The following CLEC9A variants were observed in gnomAD, a reference collection of about 807,000 sequenced individuals.
CLEC9A encodes the protein C-type lectin domain family 9 member A.
In CLEC9A, 24 loss-of-function variants were observed where a neutral mutation model predicts 30.0. The ratio of observed to expected loss-of-function variants is 0.80; its 90% CI spans 0.58 to 1.13. The LOEUF (loss-of-function observed/expected upper bound fraction) is 1.13, where lower values mean the gene tolerates loss of function less well. CLEC9A is among the 50% of genes most tolerant of loss of function. The pLI is 0.00. For synonymous variants in CLEC9A, 111 were observed against 96.8 expected (o/e 1.15, Z -0.86); for missense variants, 251 against 280.9 (o/e 0.89, Z 0.76).
chr12:10,047,071 T>C (rs1217591998), intron 2 of CLEC9A, among the ~76,000 whole-genome samples: 1 of 152,212 alleles, frequency 6.6e-6, no homozygotes, highest in Non-Finnish European at 1.5e-5. Flanking sequence ...TTTATCTTTT[T>C]TCTAGACTAT....
intron 1 of CLEC9A, among the ~76,000 whole-genome samples, chr12:10,039,358 C>T (rs1865771615): frequency 6.6e-6 from 1 of 152,196 alleles, no homozygotes; most frequent in African/African-American, 2.4e-5. Flanking sequence ...TGCCAAGATA[C>T]TCTCAATAAA....
At chr12:10,036,538 A>T (rs569057334) in intron 1 of CLEC9A, among the ~76,000 whole-genome samples, 1 of 152,340 alleles carries the variant, frequency 6.6e-6, no homozygotes, top group African/African-American at 2.4e-5. Context: ...GTCTGCAGTC[A>T]TAACACCCAC....
At position 10,065,734 on chromosome 12, in the gene CLEC9A, A is replaced by C; in HGVS notation, c.*102A>C. On this transcript the variant is annotated 3_prime_UTR_variant, in exon 9 of 9. Coordinates refer to ENST00000355819, the MANE Select transcript of CLEC9A (RefSeq NM_207345.4). ...CAAAAAAACAGAACAGTAAACCAAA[A>C]TGTGGGCCATGAAATTAGCAACCTG... 8 of 1,328,572 alleles carry C rather than the reference A, an allele frequency of 6.0e-6. No individual in the cohort carries two copies. Among genetic ancestry groups the C allele is most frequent in the Non-Finnish European group, 8.3e-6 (8 of 960,022 alleles). 82.3% of individuals were successfully genotyped at this position (1,328,572 alleles called of 1,614,324 possible).
chr12:10,040,604 C>A (rs1215055805), intron 1 of CLEC9A, among the ~76,000 whole-genome samples: 1 of 151,948 alleles, frequency 6.6e-6, no homozygotes, highest in Non-Finnish European at 1.5e-5. Context: ...GCGCCCGCCA[C>A]CACACCCGGC....
chr12:10,046,595 T>C (rs2137303177), intron 2 of CLEC9A, among the ~76,000 whole-genome samples: 1 of 152,320 alleles, frequency 6.6e-6, no homozygotes, highest in Middle Eastern at 3.4e-3. Flanking sequence ...CACAGGATAA[T>C]AGGCAAAAAT....
chr12:10,042,047 C>T (rs961560266), intron 2 of CLEC9A, among the ~76,000 whole-genome samples: 1 of 152,182 alleles, frequency 6.6e-6, no homozygotes, highest in African/African-American at 2.4e-5. Context: ...AAAATCTCAG[C>T]TCTATTACAA....
At chr12:10,049,429 A>C (rs1318841675) in intron 2 of CLEC9A, among the ~76,000 whole-genome samples, 1 of 152,242 alleles carries the variant, frequency 6.6e-6, no homozygotes, top group Non-Finnish European at 1.5e-5. Flanking sequence ...CTCCAGCTAT[A>C]AAAGTCCTAG....
chr12:10,059,431 C>T (rs538525979), intron 5 of CLEC9A, among the ~76,000 whole-genome samples: 76 of 152,214 alleles, frequency 5.0e-4, no homozygotes, highest in Admixed American at 4.9e-3. Context: ...CAAAATAGAC[C>T]ACAGTCTTAA....
intron 5 of CLEC9A, chr12:10,060,843 G>T: frequency 3.5e-6 from 1 of 289,006 alleles, no homozygotes; most frequent in Non-Finnish European, 6.4e-6. Flanking sequence ...TATCTTATGT[G>T]TAATATTCAA....
At chr12:10,056,125 T>G (rs1865941246) in intron 5 of CLEC9A, among the ~76,000 whole-genome samples, 1 of 150,852 alleles carries the variant, frequency 6.6e-6, no homozygotes, top group Admixed American at 6.6e-5. Context: ...AGATTTGCTG[T>G]TCAGTGTATA....
chr12:10,061,564 T>C (rs751570849), intron 6 of CLEC9A, among the ~76,000 whole-genome samples: 23 of 152,088 alleles, frequency 1.5e-4, no homozygotes, highest in Non-Finnish European at 2.8e-4. Flanking sequence ...AAAAAAATCG[T>C]TTTATCCAGC....
chr12:10,032,518 G>A (rs903403533), intron 1 of CLEC9A, among the ~76,000 whole-genome samples: 7 of 151,342 alleles, frequency 4.6e-5, no homozygotes, highest in Non-Finnish European at 1.0e-4. Context: ...AGCCTCTCGA[G>A]TAGCTGGGAC....
At chr12:10,064,435 T>A (rs1016942305) in intron 7 of CLEC9A, among the ~76,000 whole-genome samples, 1 of 152,194 alleles carries the variant, frequency 6.6e-6, no homozygotes, top group African/African-American at 2.4e-5. Flanking sequence ...ATAACGAAGG[T>A]TCAGTATAAC....
intron 1 of CLEC9A, among the ~76,000 whole-genome samples, chr12:10,034,049 G>A (rs1165270215): frequency 6.6e-6 from 1 of 152,228 alleles, no homozygotes; most frequent in Non-Finnish European, 1.5e-5. Flanking sequence ...CCAATTAGGT[G>A]AGTATGCCTG....
chr12:10,065,837 A>AC lies in CLEC9A; in HGVS notation c.*205_*206insC, dbSNP rs1343575635. On this transcript the variant is annotated 3_prime_UTR_variant, in exon 9 of 9. Coordinates refer to ENST00000355819, the MANE Select transcript of CLEC9A (RefSeq NM_207345.4). Reference sequence around the variant, plus strand: ...GATGTTGTTCACATTGCAAGAGTAAAACTTATTTAGAGCTACAGAAGACAA... The same window carrying AC: ...GATGTTGTTCACATTGCAAGAGTAAACACTTATTTAGAGCTACAGAAGACAA... 2 of 507,438 alleles carry AC rather than the reference A, an allele frequency of 3.9e-6. No individual in the cohort carries two copies. The highest frequency in any genetic ancestry group is 6.9e-6 in the Non-Finnish European group (2 of 289,726). The allele number at this position is 507,438 out of a possible 1,614,324, so 31.4% of individuals were successfully genotyped here.
intron 2 of CLEC9A, among the ~76,000 whole-genome samples, chr12:10,050,997 G>T (rs182508488): frequency 6.6e-6 from 1 of 152,212 alleles, no homozygotes; most frequent in East Asian, 1.9e-4. Flanking sequence ...CTGAGGTCAG[G>T]AGTTTGAGAC....
intron 2 of CLEC9A, among the ~76,000 whole-genome samples, chr12:10,042,107 G>A (rs920174159): frequency 2.6e-5 from 4 of 152,172 alleles, no homozygotes; most frequent in African/African-American, 9.7e-5. Context: ...TATTACTCTA[G>A]GCTGGTGCCA....
intron 2 of CLEC9A, among the ~76,000 whole-genome samples, chr12:10,049,366 C>T (rs1445744919): frequency 6.6e-6 from 1 of 152,180 alleles, no homozygotes; most frequent in Non-Finnish European, 1.5e-5. Context: ...TAGCCCCTAA[C>T]AATAGAGTCA....
chr12:10,032,100 C>A (rs1865702849), intron 1 of CLEC9A, among the ~76,000 whole-genome samples: 1 of 152,192 alleles, frequency 6.6e-6, no homozygotes, highest in African/African-American at 2.4e-5. Context: ...ATACTCACAA[C>A]ATCCAATGCT....
Sources: gnomAD v4.1 joint callset for allele counts (sites outside exome capture counted in the v4.1 genomes callset) on GRCh38, gnomAD v4.1.1 for gene constraint, MANE v1.5 for transcripts, NCBI Gene and HGNC (gene_info 2026-07-23, HGNC 2026-07-21) for gene names.